PAWR: variants seen among roughly 807,000 people sequenced by gnomAD.
PAWR encodes PRKC apoptosis WT1 regulator protein.
Under a neutral mutation model 32.0 loss-of-function variants are expected in PAWR, and 23 were observed. The observed-to-expected ratio is 0.72, with a 90% CI of 0.52 to 1.02. The LOEUF (loss-of-function observed/expected upper bound fraction) is 1.02. Ranked by LOEUF, PAWR falls within the 50% of genes least tolerant of loss-of-function variation. PAWR has a pLI of 0.00. For synonymous variants in PAWR, 226 were observed against 187.1 expected (o/e 1.21, Z -1.70); for missense variants, 457 against 437.7 (o/e 1.04, Z -0.39).
Position 79,592,530 on chromosome 12 carries a change from G to T in PAWR, c.*77C>A. On this transcript the variant is annotated 3_prime_UTR_variant, in exon 7 of 7. Coordinates refer to ENST00000328827, the MANE Select transcript of PAWR (RefSeq NM_002583.4). Reference sequence around the variant, plus strand: ...GTTATTTTAATGTATTGCAGCATAGGAATATTGTGCTAGCATTGACCATTA... The same window carrying T: ...GTTATTTTAATGTATTGCAGCATAGTAATATTGTGCTAGCATTGACCATTA... 1 of 670,294 alleles carries T rather than the reference G, an allele frequency of 1.5e-6. No individual in the cohort carries two copies. 41.5% of individuals were successfully genotyped at this position (670,294 alleles called of 1,614,324 possible).
At chr12:79,629,613 A>G (rs1227278740) in intron 2 of PAWR, among the ~76,000 whole-genome samples, 1 of 152,104 alleles carries the variant, frequency 6.6e-6, no homozygotes, top group Non-Finnish European at 1.5e-5. Flanking sequence ...AAAAACTTCA[A>G]TTCTGTCAAT....
At chr12:79,650,961 A>G (rs1876816103) in intron 2 of PAWR, among the ~76,000 whole-genome samples, 1 of 152,244 alleles carries the variant, frequency 6.6e-6, no homozygotes. Context: ...TAAGGGAATA[A>G]TATCTTGTGG....
At chr12:79,662,357 G>A (rs142309797) in intron 2 of PAWR, among the ~76,000 whole-genome samples, 141 of 152,246 alleles carry the variant, frequency 9.3e-4, no homozygotes, top group Middle Eastern at 6.8e-3. Context: ...CTGGGAATAG[G>A]CTTTGATGTA....
At chr12:79,629,437 A>C (rs550128392) in intron 2 of PAWR, among the ~76,000 whole-genome samples, 1 of 152,276 alleles carries the variant, frequency 6.6e-6, no homozygotes, top group African/African-American at 2.4e-5. Flanking sequence ...CAGAAGACAC[A>C]GTTTTTAAAA....
At chr12:79,632,333 ATATATATATATATATATATATATATATAT>A (rs1283599593) in intron 2 of PAWR, among the ~76,000 whole-genome samples, 8 of 47,554 alleles carry the variant, frequency 1.7e-4, no homozygotes, top group African/African-American at 4.0e-4. Context: ...ATATATATAT[ATATATATATATATATATATATATATATAT>A]TTTTTTTTTT....
Position 79,588,577 on chromosome 12 carries a change from T to G in PAWR, c.*4030A>C, listed in dbSNP as rs909430611. The G allele has an allele frequency of 2.0e-5, 3 of 151,988 alleles. No individual in the cohort carries two copies. The highest frequency in any genetic ancestry group is 6.6e-5 in the Admixed American group (1 of 15,256). 9.4% of individuals were successfully genotyped at this position (151,988 alleles called of 1,614,324 possible). A position where few individuals can be genotyped will look rare whatever the true frequency, so the allele number is the denominator to read the frequency against. ...GTACTTTTGAGTAAACTATTCAGAT[T>G]AGACAGGCTAATGCTAAGACTGCAT... On this transcript the variant is annotated 3_prime_UTR_variant, in exon 7 of 7. Coordinates refer to ENST00000328827, the MANE Select transcript of PAWR (RefSeq NM_002583.4).
chr12:79,593,029 A>G (rs1228134472), intron 6 of PAWR, among the ~76,000 whole-genome samples: 2 of 152,046 alleles, frequency 1.3e-5, no homozygotes, highest in Non-Finnish European at 2.9e-5. Context: ...CCCCTCCCTA[A>G]AACTGAGGCA....
intron 2 of PAWR, among the ~76,000 whole-genome samples, chr12:79,674,388 TA>T (rs79442053): frequency 0.077 from 10,762 of 139,950 alleles, 836 homozygotes; most frequent in African/African-American, 0.2. Context: ...TTTCACCAGA[TA>T]AAAAAAAAAA....
At chr12:79,673,811 C>T (rs1238850795) in intron 2 of PAWR, among the ~76,000 whole-genome samples, 3 of 152,032 alleles carry the variant, frequency 2.0e-5, no homozygotes, top group Admixed American at 2.0e-4. Flanking sequence ...ACAACAACCA[C>T]AAAAAGAATA....
At chr12:79,633,326 T>G (rs1030827036) in intron 2 of PAWR, among the ~76,000 whole-genome samples, 16 of 151,852 alleles carry the variant, frequency 1.1e-4, no homozygotes, top group African/African-American at 3.9e-4. Flanking sequence ...CAATTAAAAA[T>G]GACCAAAAAT....
At chr12:79,658,969 C>G (rs1232479763) in intron 2 of PAWR, among the ~76,000 whole-genome samples, 1 of 143,068 alleles carries the variant, frequency 7.0e-6, no homozygotes, top group South Asian at 2.2e-4. Flanking sequence ...CCTCTTAGCA[C>G]ACTAAAAAAA....
intron 2 of PAWR, among the ~76,000 whole-genome samples, chr12:79,630,230 A>T (rs978509785): frequency 6.6e-6 from 1 of 152,062 alleles, no homozygotes; most frequent in South Asian, 2.1e-4. Flanking sequence ...AATCACTATT[A>T]TAAGTAAAAA....
At chr12:79,625,819 CA>C (rs538351136) in intron 2 of PAWR, among the ~76,000 whole-genome samples, 1 of 133,722 alleles carries the variant, frequency 7.5e-6, no homozygotes, top group Non-Finnish European at 1.6e-5. Flanking sequence ...GACTCTGTCT[CA>C]AAAAAAACAA....
In PAWR at chr12:79,640,466, C is replaced by T. The variant is rs139148310; in HGVS notation, c.517-19259G>A. Among the ~76,000 whole-genome samples the T allele has an allele frequency of 5.7e-3, 873 of 152,280 alleles. 4 individuals are homozygous for T. The highest frequency in any genetic ancestry group is 0.02 in the Middle Eastern group (6 of 294). On this transcript the variant is annotated intron_variant, in intron 2 of 6. Coordinates refer to ENST00000328827, the MANE Select transcript of PAWR (RefSeq NM_002583.4). The stretch of plus-strand genomic sequence containing the variant: ...TGATTAGTATTTTGAATAGGCTGGG[C>T]ATAGTGGCTCACACTTATAATCCCA...
In PAWR at chr12:79,654,355, A is replaced by G. The variant is rs543289596; in HGVS notation, c.517-33148T>C. Among the ~76,000 whole-genome samples the G allele has an allele frequency of 4.6e-5, 7 of 152,256 alleles. No homozygotes were observed. In the East Asian group the frequency reaches 1.4e-3, roughly 29 times the overall value. On this transcript the variant is annotated intron_variant, in intron 2 of 6. Transcript: ENST00000328827. The stretch of plus-strand genomic sequence containing the variant: ...GTGATCAATAAATTTTAAAATGGAG[A>G]GGGATGTGTTTCCATATAAATACAA...
chr12:79,661,952 G>T (rs1015915287), intron 2 of PAWR, among the ~76,000 whole-genome samples: 1 of 152,014 alleles, frequency 6.6e-6, no homozygotes, highest in Non-Finnish European at 1.5e-5. Context: ...CCTAAATGTT[G>T]CCACTTTAAT....
intron 5 of PAWR, among the ~76,000 whole-genome samples, chr12:79,595,707 C>T (rs1270480606): frequency 6.6e-6 from 1 of 151,982 alleles, no homozygotes; most frequent in Non-Finnish European, 1.5e-5. Context: ...AAAGAATTAG[C>T]CGGGCTTGGT....
chr12:79,638,821 A>G (rs866061844), intron 2 of PAWR, among the ~76,000 whole-genome samples: 4 of 73,150 alleles, frequency 5.5e-5, no homozygotes, highest in Non-Finnish European at 8.8e-5. Flanking sequence ...GTGTGTGTGT[A>G]TTATATATAA....
At chr12:79,613,968 T>TACAC (rs1874592859) in intron 3 of PAWR, among the ~76,000 whole-genome samples, 2 of 9,896 alleles carry the variant, frequency 2.0e-4, no homozygotes, top group African/African-American at 1.4e-3. Flanking sequence ...TATATATATA[T>TACAC]ATATATATAT....
Sources: allele counts gnomAD v4.1 joint callset (sites outside exome capture counted in the v4.1 genomes callset), GRCh38; gene constraint gnomAD v4.1.1; transcripts MANE v1.5; gene names NCBI Gene and HGNC (gene_info 2026-07-23, HGNC 2026-07-21).